REV3L: variants seen among roughly 807,000 people sequenced by gnomAD.
The protein encoded by REV3L is REV3 like, DNA directed polymerase zeta catalytic subunit, also known as DNA polymerase zeta catalytic subunit.
Under a neutral mutation model 299.4 loss-of-function variants are expected in REV3L, and 69 were observed. The ratio of observed to expected loss-of-function variants is 0.23; its 90% CI spans 0.19 to 0.28. The LOEUF (loss-of-function observed/expected upper bound fraction) is 0.28. Ranked by LOEUF, REV3L falls within the 10% of genes least tolerant of loss-of-function variation. REV3L has a pLI of 1.00. For missense variants in REV3L, 3,128 were observed against 3,693.8 expected (o/e 0.85, Z 3.97); for synonymous variants, 1,238 against 1,271.4 (o/e 0.97, Z 0.56).
At chr6:111,412,466 T>C (rs1021002616) in intron 2 of REV3L, among the ~76,000 whole-genome samples, 3 of 152,120 alleles carry the variant, frequency 2.0e-5, no homozygotes, top group Admixed American at 6.6e-5. Context: ...AAACAATACA[T>C]AAACAGGCGT....
intron 1 of REV3L, among the ~76,000 whole-genome samples, chr6:111,443,046 C>A (rs917205949): frequency 4.6e-5 from 7 of 152,042 alleles, no homozygotes; most frequent in African/African-American, 1.7e-4. Flanking sequence ...ACTTAAATAC[C>A]TATCTTAAAG....
intron 19 of REV3L, among the ~76,000 whole-genome samples, 183 bp from the exon 20 acceptor site, chr6:111,349,519 A>G (rs771391264): frequency 2.0e-5 from 3 of 152,154 alleles, no homozygotes; most frequent in Admixed American, 2.0e-4. Flanking sequence ...CCTTCTTTCT[A>G]TATTTAAATA....
In REV3L at chr6:111,307,099, G is replaced by T. The variant is rs182017303; in HGVS notation, c.9252+262C>A. 4.6e-5 allele frequency among the ~76,000 whole-genome samples: 7 copies of T among 152,102 alleles called. No individual in the cohort carries two copies. In the East Asian group the frequency reaches 9.7e-4, roughly 21 times the overall value. ...GGGATGCTCAACCTGTATTATAAAA[G>T]AAATTGGATGGATGGCCATTCTTGT... On this transcript the variant is annotated intron_variant, in intron 31 of 31. Coordinates refer to ENST00000368802, the MANE Select transcript of REV3L (RefSeq NM_001372078.1).
chr6:111,363,738 T>C, intron 16 of REV3L, 115 bp downstream of exon 16: 2 of 909,482 alleles, frequency 2.2e-6, no homozygotes, highest in South Asian at 4.3e-5. Flanking sequence ...TGAAGATTAA[T>C]AGGATAGAAT....
chr6:111,425,621 T>C (rs1786082436), intron 1 of REV3L, among the ~76,000 whole-genome samples: 1 of 151,806 alleles, frequency 6.6e-6, no homozygotes, highest in South Asian at 2.1e-4. Flanking sequence ...AATAAAATTA[T>C]AAAACACACA....
intron 1 of REV3L, among the ~76,000 whole-genome samples, chr6:111,448,197 A>G (rs946243446): frequency 4.6e-5 from 7 of 152,198 alleles, no homozygotes; most frequent in Non-Finnish European, 1.0e-4. Flanking sequence ...CCAAAGGCAA[A>G]TGGGAAGAAC....
At chr6:111,302,763 G>A (rs745787185) in intron 31 of REV3L, among the ~76,000 whole-genome samples, 17 of 152,042 alleles carry the variant, frequency 1.1e-4, no homozygotes, top group Non-Finnish European at 2.1e-4. Context: ...TTAGCTGGGC[G>A]TGGTGGTGCA....
At chr6:111,309,645 C>G in intron 30 of REV3L, 1 of 483,116 alleles carries the variant, frequency 2.1e-6, no homozygotes, top group East Asian at 3.6e-5. Flanking sequence ...CCTATCCTCA[C>G]CTAGATCTGT....
intron 1 of REV3L, among the ~76,000 whole-genome samples, chr6:111,417,108 G>A (rs1474372404): frequency 6.6e-6 from 1 of 152,034 alleles, no homozygotes; most frequent in Non-Finnish European, 1.5e-5. Flanking sequence ...TTGGTGGTAT[G>A]GAACAAGGGG....
At chr6:111,437,960 T>G (rs1355255958) in intron 1 of REV3L, among the ~76,000 whole-genome samples, 4 of 152,122 alleles carry the variant, frequency 2.6e-5, no homozygotes, top group African/African-American at 9.7e-5. Flanking sequence ...TCTAGTGATC[T>G]TCCTGCTTCA....
At chr6:111,382,329 G>C (rs17510775) in intron 9 of REV3L, among the ~76,000 whole-genome samples, 1 of 152,132 alleles carries the variant, frequency 6.6e-6, no homozygotes. Context: ...AAAGACAGTC[G>C]TGAATTGCTG....
intron 31 of REV3L, among the ~76,000 whole-genome samples, chr6:111,300,872 T>C (rs932903596): frequency 6.6e-6 from 1 of 152,212 alleles, no homozygotes; most frequent in African/African-American, 2.4e-5. Context: ...TTGAACAATA[T>C]GAAATCTGAG....
chr6:111,303,740 G>C (rs1329077987), intron 31 of REV3L, among the ~76,000 whole-genome samples: 1 of 55,300 alleles, frequency 1.8e-5, no homozygotes, highest in South Asian at 6.7e-4. Context: ...TTTTTTTTAA[G>C]ATGGAGTCTT....
At chr6:111,369,910 C>T (rs1779614106) in intron 13 of REV3L, among the ~76,000 whole-genome samples, 1 of 151,290 alleles carries the variant, frequency 6.6e-6, no homozygotes, top group African/African-American at 2.4e-5. Flanking sequence ...GATCTCAGCT[C>T]ACTGCAACCT....
At chr6:111,455,359 T>G (rs1270148492) in intron 1 of REV3L, among the ~76,000 whole-genome samples, 1 of 152,146 alleles carries the variant, frequency 6.6e-6, no homozygotes, top group East Asian at 1.9e-4. Context: ...GCTAACAGCA[T>G]ATGCAAAGTC....
intron 6 of REV3L, 102 bp from the exon 7 acceptor site, chr6:111,389,312 A>G: frequency 2.4e-6 from 2 of 837,138 alleles, no homozygotes; most frequent in Non-Finnish European, 3.9e-6. Context: ...AAAACCAATC[A>G]CATATTTTGT....
intron 26 of REV3L, among the ~76,000 whole-genome samples, chr6:111,317,140 T>A (rs1773626609): frequency 6.6e-6 from 1 of 152,220 alleles, no homozygotes; most frequent in Non-Finnish European, 1.5e-5. Flanking sequence ...TTCTTTTTTC[T>A]AGCCATATAA....
chr6:111,338,311 C>CTTTTTTTTTTTTTTTTTTT (rs1776115188), intron 21 of REV3L, among the ~76,000 whole-genome samples: 3 of 49,034 alleles, frequency 6.1e-5, no homozygotes, highest in Non-Finnish European at 6.9e-5. Flanking sequence ...AGTCTAAAGT[C>CTTTTTTTTTTTTTTTTTTT]CTTTTTTTTT....
chr6:111,422,663 CATAT>C lies in REV3L; in HGVS notation c.140-6195_140-6192del, dbSNP rs59939393. Among the ~76,000 whole-genome samples the C allele has an allele frequency of 3.7e-3, 66 of 17,872 alleles. 10 individuals are homozygous for C. Among genetic ancestry groups the C allele is most frequent in the Admixed American group, 8.8e-3 (13 of 1,470 alleles). 11.7% of individuals were successfully genotyped at this position (17,872 alleles called of 152,430 possible). ...ATATATATATACATATATATATATA[CATAT>C]ATATATATATACGTATATATATATA... On this transcript the variant is annotated intron_variant, in intron 1 of 31. Transcript: ENST00000368802.
Sources: gnomAD v4.1 joint callset for allele counts (sites outside exome capture counted in the v4.1 genomes callset) on GRCh38, gnomAD v4.1.1 for gene constraint, MANE v1.5 for transcripts, NCBI Gene and HGNC (gene_info 2026-07-23, HGNC 2026-07-21) for gene names.